The following EFCAB5 variants were observed in gnomAD, a reference collection of about 807,000 sequenced individuals.
The protein encoded by EFCAB5 is EF-hand calcium-binding domain-containing protein 5.
EFCAB5 carries 131 observed loss-of-function variants against 167.9 expected under a neutral mutation model. The ratio of observed to expected loss-of-function variants is 0.78; its 90% CI spans 0.68 to 0.90. EFCAB5 has a LOEUF of 0.90. EFCAB5 is among the 40% of genes least tolerant of loss of function. The pLI is 0.00. For synonymous variants in EFCAB5, 574 were observed against 602.8 expected (o/e 0.95, Z 0.70); for missense variants, 1,663 against 1,745.2 (o/e 0.95, Z 0.84).
chr17:29,947,567 A>T (rs1284433434), intron 3 of EFCAB5, among the ~76,000 whole-genome samples: 3 of 152,208 alleles, frequency 2.0e-5, no homozygotes, highest in Non-Finnish European at 2.9e-5. Context: ...CTGAAAATTT[A>T]AAATTTTTTT....
At chr17:30,038,855 C>T in intron 8 of EFCAB5, among the ~76,000 whole-genome samples, 1 of 152,216 alleles carries the variant, frequency 6.6e-6, no homozygotes, top group East Asian at 1.9e-4. Context: ...TTTTGGTGGC[C>T]CATATGGGGA....
intron 14 of EFCAB5, among the ~76,000 whole-genome samples, chr17:30,062,553 A>C (rs1021344601): frequency 6.6e-6 from 1 of 152,192 alleles, no homozygotes; most frequent in Non-Finnish European, 1.5e-5. Flanking sequence ...CTCCCCAGAA[A>C]AGACGCTGAC....
intron 17 of EFCAB5, among the ~76,000 whole-genome samples, chr17:30,082,097 G>A (rs1360908409): frequency 1.3e-5 from 2 of 152,140 alleles, no homozygotes; most frequent in Non-Finnish European, 2.9e-5. Flanking sequence ...GCCTGTAAGA[G>A]GACTACGTAA....
intron 3 of EFCAB5, among the ~76,000 whole-genome samples, chr17:29,962,196 T>C (rs2067733194): frequency 6.6e-6 from 1 of 152,210 alleles, no homozygotes; most frequent in African/African-American, 2.4e-5. Context: ...CATATTAATC[T>C]GAGGATCACT....
At chr17:30,086,893 G>C (rs1321800075) in intron 18 of EFCAB5, among the ~76,000 whole-genome samples, 170 bp from the exon 19 acceptor site, 4 of 147,624 alleles carry the variant, frequency 2.7e-5, no homozygotes, top group Admixed American at 2.0e-4. Flanking sequence ...ACTCCATCTC[G>C]AAAAAAAAAA....
intron 8 of EFCAB5, among the ~76,000 whole-genome samples, chr17:30,040,332 G>A (rs2069736464): frequency 6.6e-6 from 1 of 152,176 alleles, no homozygotes; most frequent in Admixed American, 6.5e-5. Context: ...AGACTTAACA[G>A]GATGCAGTGC....
Position 30,087,176 on chromosome 17 carries a change from A to G in EFCAB5, c.3683+10A>G. 1 of 1,612,096 alleles carries G rather than the reference A, an allele frequency of 6.2e-7. No homozygotes were observed. Among genetic ancestry groups the G allele is most frequent in the Non-Finnish European group, 8.5e-7 (1 of 1,178,316 alleles). On this transcript the variant is annotated intron_variant, in intron 19 of 22. Coordinates refer to ENST00000394835, the MANE Select transcript of EFCAB5 (RefSeq NM_198529.4). ...AGTCATGCATCTTCAGGTTAGAGAC[A>G]TGTCTGTTTTGTTTGACTGCTAGAA...
In EFCAB5 at chr17:30,090,638, G is replaced by A. The variant is rs143268548; in HGVS notation, c.3901G>A (p.Glu1301Lys). The part of the protein sequence containing the change: ...VQVACYEILG[E>K]FSGEIKKKYI... Reference sequence around the variant, plus strand: ...AGTGGCCTGCTATGAAATACTTGGCGAGTTCTCTGGAGAGATAAAGAAAAA... The same window carrying A: ...AGTGGCCTGCTATGAAATACTTGGCAAGTTCTCTGGAGAGATAAAGAAAAA... The change falls in exon 20 of 23, where the codon GAG (glutamate) becomes AAG (lysine). Residue 1301 changes from glutamate to lysine, a missense_variant. Glu to Lys is a moderately conservative substitution (Grantham distance 56). Transcript: ENST00000394835. The A allele has an allele frequency of 2.0e-4, 318 of 1,613,202 alleles. 2 individuals carry two copies. The East Asian group carries it at 6.1e-3, about 31-fold the overall frequency.
At chr17:30,096,330 T>C (rs904153400) in intron 22 of EFCAB5, among the ~76,000 whole-genome samples, 1 of 152,184 alleles carries the variant, frequency 6.6e-6, no homozygotes, top group African/African-American at 2.4e-5. Context: ...CAGTTTTACA[T>C]GTATAGATAA....
At chr17:30,070,391 A>G (rs1210575178) in intron 14 of EFCAB5, among the ~76,000 whole-genome samples, 2 of 152,222 alleles carry the variant, frequency 1.3e-5, no homozygotes, top group East Asian at 3.8e-4. Flanking sequence ...AGCCAAAATA[A>G]TCCTGAACAA....
chr17:30,039,128 G>A (rs1441098345), intron 8 of EFCAB5, among the ~76,000 whole-genome samples: 3 of 152,058 alleles, frequency 2.0e-5, no homozygotes, highest in Admixed American at 6.5e-5. Flanking sequence ...AGAATTTCCG[G>A]TAAACCAACA....
chr17:30,094,589 G>A (rs923587987), intron 22 of EFCAB5, among the ~76,000 whole-genome samples: 1 of 151,988 alleles, frequency 6.6e-6, no homozygotes, highest in Non-Finnish European at 1.5e-5. Flanking sequence ...AGGCTGAGGT[G>A]GGAGATCACT....
chr17:30,038,680 T>C (rs926586092), intron 8 of EFCAB5, among the ~76,000 whole-genome samples: 1 of 152,234 alleles, frequency 6.6e-6, no homozygotes, highest in Non-Finnish European at 1.5e-5. Flanking sequence ...AAATCTTTTA[T>C]AAATAATTCA....
At chr17:30,004,182 T>C (rs554778323) in intron 7 of EFCAB5, among the ~76,000 whole-genome samples, 2 of 152,338 alleles carry the variant, frequency 1.3e-5, no homozygotes, top group East Asian at 3.9e-4. Flanking sequence ...GGTCCCCCAA[T>C]CATTTGCAGG....
chr17:30,089,739 T>A (rs908438570), intron 19 of EFCAB5, among the ~76,000 whole-genome samples: 1 of 151,720 alleles, frequency 6.6e-6, no homozygotes, highest in Non-Finnish European at 1.5e-5. Flanking sequence ...GGGTAAACAC[T>A]CCCCCAGCCC....
chr17:30,074,680 G>A (rs752580958), intron 14 of EFCAB5: 2 of 152,096 alleles, frequency 1.3e-5, no homozygotes, highest in Non-Finnish European at 2.9e-5. Context: ...CTTAGGAGTG[G>A]AATTTCTAGG....
intron 14 of EFCAB5, chr17:30,069,305 T>C (rs1413484113): frequency 1.3e-6 from 2 of 1,500,158 alleles, no homozygotes; most frequent in African/African-American, 2.8e-5. Context: ...TGAAGATGAG[T>C]TATCCCCAGA....
intron 18 of EFCAB5, among the ~76,000 whole-genome samples, chr17:30,086,276 GA>G (rs2071087471): frequency 6.6e-6 from 1 of 151,914 alleles, no homozygotes; most frequent in East Asian, 1.9e-4. Flanking sequence ...TAGTTTCTAC[GA>G]AAAAATATTG....
Position 30,059,702 on chromosome 17 carries a change from G to A in EFCAB5, c.2737+1G>A. 1.9e-6 allele frequency: 3 copies of A among 1,589,706 alleles called. No individual in the cohort carries two copies. The South Asian group carries it at 3.4e-5, about 18-fold the overall frequency. On this transcript the variant is annotated splice_donor_variant, in intron 14 of 22. Transcript: ENST00000394835. LOFTEE classifies it high-confidence loss of function. ...ATGGAAAAAGAATCTATGAAGAAAG[G>A]TAAAATATAAGAATGTTCTTATTTA...
Sources: gnomAD v4.1 joint callset for allele counts (sites outside exome capture counted in the v4.1 genomes callset) on GRCh38, gnomAD v4.1.1 for gene constraint, MANE v1.5 for transcripts, NCBI Gene and HGNC (gene_info 2026-07-23, HGNC 2026-07-21) for gene names.